Variants in VPS39 observed in about 807,000 individuals in gnomAD.
VPS39 encodes vam6/Vps39-like protein.
In VPS39, 70 loss-of-function variants were observed where a neutral mutation model predicts 121.0. The ratio of observed to expected loss-of-function variants is 0.58; its 90% CI spans 0.48 to 0.71. The LOEUF (loss-of-function observed/expected upper bound fraction) is 0.71. Among genes scored for constraint, VPS39 ranks in the 30% least tolerant of loss-of-function variants. VPS39 has a pLI of 0.00. For missense variants in VPS39, 818 were observed against 1,051.5 expected (o/e 0.78, Z 3.07); for synonymous variants, 378 against 398.1 (o/e 0.95, Z 0.60).
chr15:42,186,617 G>A (rs7172019), intron 7 of VPS39, among the ~76,000 whole-genome samples: 2,542 of 152,228 alleles, frequency 0.017, 31 homozygotes, highest in Non-Finnish European at 0.025. Context: ...GAAAAACAAC[G>A]TCATGGATAT....
intron 18 of VPS39, chr15:42,164,728 G>T: frequency 1.4e-6 from 2 of 1,430,044 alleles, no homozygotes; most frequent in Non-Finnish European, 1.8e-6. Context: ...TTTCTTATCA[G>T]TATAGCTGTC....
chr15:42,171,568 A>G (rs990765038), intron 11 of VPS39, among the ~76,000 whole-genome samples: 3 of 152,164 alleles, frequency 2.0e-5, no homozygotes, highest in South Asian at 2.1e-4. Context: ...AGCTCATCCA[A>G]CAATCTGTGT....
At position 42,167,464 on chromosome 15, in the gene VPS39, G is replaced by C; in HGVS notation, c.1307C>G (p.Thr436Ser). 1 of 1,614,170 alleles carries C rather than the reference G, an allele frequency of 6.2e-7. No homozygotes were observed. ...QSSTSPLMEG[T>S]PTIKSKKKLL... ...CTTCTTCTTGGATTTGATGGTGGGA[G>C]TGCCTTCCATGAGCGGTGAGGTGCT... Residue 436 changes from threonine (T) to serine (S), a missense_variant, in exon 13 of 25, where the codon ACT (threonine) becomes AGT (serine). Transcript: ENST00000318006.
chr15:42,172,651 G>C (rs2049370274), intron 11 of VPS39, among the ~76,000 whole-genome samples: 1 of 152,224 alleles, frequency 6.6e-6, no homozygotes. Context: ...GGCTATGCTA[G>C]TGCAGGATGG....
chr15:42,177,630 C>A (rs1437856093), intron 10 of VPS39, among the ~76,000 whole-genome samples: 1 of 151,960 alleles, frequency 6.6e-6, no homozygotes, highest in Non-Finnish European at 1.5e-5. Context: ...TTTTTCATGA[C>A]CATACAATAT....
In VPS39 at chr15:42,165,567, G is replaced by A. The variant is rs1008064811; in HGVS notation, c.1779+151C>T. Reference sequence around the variant, plus strand: ...GTAGCATTTCCAGCTTGGTCTACTGGGATCTTTTTCTTCAGAGGAAGCTGA... The same window carrying A: ...GTAGCATTTCCAGCTTGGTCTACTGAGATCTTTTTCTTCAGAGGAAGCTGA... On this transcript the variant is annotated intron_variant, in intron 17 of 24. Transcript: ENST00000318006. 1.8e-5 allele frequency: 11 copies of A among 604,742 alleles called. No homozygotes were observed. In the South Asian group the frequency reaches 2.5e-4, roughly 13 times the overall value. 37.5% of individuals were successfully genotyped at this position (604,742 alleles called of 1,614,324 possible).
At chr15:42,163,304 G>A (rs755140650) in intron 21 of VPS39, 46 bp downstream of exon 21, 3 of 1,611,830 alleles carry the variant, frequency 1.9e-6, no homozygotes, top group Non-Finnish European at 2.5e-6. Flanking sequence ...CAAACCAACG[G>A]GGAGAGGTAT....
chr15:42,206,355 A>G (rs557026587), intron 1 of VPS39, among the ~76,000 whole-genome samples: 47 of 152,344 alleles, frequency 3.1e-4, no homozygotes, highest in African/African-American at 1.1e-3. Flanking sequence ...GGAGGCAGTT[A>G]ATGGCCTCTT....
At chr15:42,172,332 C>A (rs1022714241) in intron 11 of VPS39, among the ~76,000 whole-genome samples, 3 of 152,188 alleles carry the variant, frequency 2.0e-5, no homozygotes, top group Admixed American at 2.0e-4. Context: ...CAGCCAGCAC[C>A]ACTTTTTCAG....
chr15:42,168,545 T>G (rs2049289136), intron 12 of VPS39, among the ~76,000 whole-genome samples: 1 of 140,322 alleles, frequency 7.1e-6, no homozygotes, highest in Non-Finnish European at 1.5e-5. Context: ...TACTTCTTCT[T>G]TTTTTTTTTT....
chr15:42,180,807 C>T (rs1475830450), intron 8 of VPS39, among the ~76,000 whole-genome samples: 1 of 152,036 alleles, frequency 6.6e-6, no homozygotes, highest in East Asian at 1.9e-4. Context: ...CCGTAAAGAA[C>T]TACAGTGAGA....
chr15:42,208,090 CCAGA>C lies in VPS39; in HGVS notation c.60_63del (p.Cys20TrpfsTer33), dbSNP rs780955174. The C allele has an allele frequency of 1.4e-5, 22 of 1,584,146 alleles. No individual in the cohort carries two copies. Among genetic ancestry groups the C allele is most frequent in the East Asian group, 4.6e-5 (2 of 43,350 alleles). On this transcript the variant is annotated frameshift_variant, in exon 1 of 25. Coordinates refer to ENST00000318006, the MANE Select transcript of VPS39 (RefSeq NM_015289.5). LOFTEE classifies it high-confidence loss of function. ...CGGCCCCTCGGCTCACCCCAGGCAG[CCAGA>C]CAGTCGATTTGCAGAGGCAGCTTTT... is the stretch of plus-strand genomic sequence containing the variant.
intron 2 of VPS39, chr15:42,199,686 A>G (rs1477678297): frequency 1.8e-6 from 1 of 552,952 alleles, no homozygotes; most frequent in African/African-American, 2.0e-5. Context: ...TAAGTAAACC[A>G]GCAATTCATC....
chr15:42,164,705 G>A, intron 18 of VPS39: 2 of 1,431,158 alleles, frequency 1.4e-6, no homozygotes, highest in South Asian at 3.1e-5. Flanking sequence ...GAAATACTCT[G>A]TGGGCAAACC....
At position 42,160,596 on chromosome 15, in the gene VPS39, T is replaced by A. The variant is rs530755631; in HGVS notation, c.*158A>T. ...AAAGCTGGCAATGCCAGACCATGAGTCTAATTAATTCAGAGTTGTTCCAGG... is the reference window on the plus strand; with the variant it reads ...AAAGCTGGCAATGCCAGACCATGAGACTAATTAATTCAGAGTTGTTCCAGG... On this transcript the variant is annotated 3_prime_UTR_variant, in exon 25 of 25. Coordinates refer to ENST00000318006, the MANE Select transcript of VPS39 (RefSeq NM_015289.5). 9.4e-5 allele frequency: 63 copies of A among 669,462 alleles called. 1 individual carries two copies. The highest frequency in any genetic ancestry group is 1.5e-4 in the Non-Finnish European group (57 of 371,934). 41.5% of individuals were successfully genotyped at this position (669,462 alleles called of 1,614,324 possible).
chr15:42,186,340 C>T (rs1338382011), intron 7 of VPS39, among the ~76,000 whole-genome samples: 1 of 151,824 alleles, frequency 6.6e-6, no homozygotes, highest in Admixed American at 6.6e-5. Flanking sequence ...ACCTGGGAGG[C>T]TGAGGTGGGA....
intron 4 of VPS39, among the ~76,000 whole-genome samples, chr15:42,190,056 C>T (rs1366050714): frequency 6.6e-6 from 1 of 152,030 alleles, no homozygotes; most frequent in African/African-American, 2.4e-5. Context: ...CTCAAGCAAT[C>T]CTCCTGCCTT....
intron 1 of VPS39, among the ~76,000 whole-genome samples, chr15:42,206,284 A>G (rs1186437695): frequency 7.9e-5 from 12 of 152,228 alleles, no homozygotes; most frequent in Admixed American, 7.8e-4. Context: ...AAAAGGGGTA[A>G]TGACTAGAAA....
chr15:42,180,944 T>C (rs1048213913), intron 8 of VPS39, among the ~76,000 whole-genome samples: 1 of 152,164 alleles, frequency 6.6e-6, no homozygotes, highest in African/African-American at 2.4e-5. Flanking sequence ...GCGGCCGCTA[T>C]GGAAAACAGT....
Sources: gnomAD v4.1 joint callset for allele counts (sites outside exome capture counted in the v4.1 genomes callset) on GRCh38, gnomAD v4.1.1 for gene constraint, MANE v1.5 for transcripts, NCBI Gene and HGNC (gene_info 2026-07-23, HGNC 2026-07-21) for gene names.